CYB5R4: variants seen among roughly 807,000 people sequenced by gnomAD.
The protein encoded by CYB5R4 is N-terminal cytochrome b5 and cytochrome b5 oxidoreductase domain-containing protein.
A neutral mutation model predicts 70.2 loss-of-function variants in CYB5R4; 55 were observed. The ratio of observed to expected loss-of-function variants is 0.78; its 90% CI spans 0.63 to 0.98. The LOEUF (loss-of-function observed/expected upper bound fraction) is 0.98, where lower values mean the gene tolerates loss of function less well. Ranked by LOEUF, CYB5R4 falls within the 50% of genes least tolerant of loss-of-function variation. The pLI is 0.00. For missense variants in CYB5R4, 562 were observed against 612.6 expected (o/e 0.92, Z 0.87); for synonymous variants, 197 against 199.5 (o/e 0.99, Z 0.11).
chr6:83,894,903 A>G (rs1351114700), intron 3 of CYB5R4, among the ~76,000 whole-genome samples: 1 of 152,098 alleles, frequency 6.6e-6, no homozygotes, highest in Non-Finnish European at 1.5e-5. Flanking sequence ...GAAGTGTCAA[A>G]GGTAGAAGTA....
At chr6:83,905,238 G>C (rs367857023) in intron 3 of CYB5R4, among the ~76,000 whole-genome samples, 57 of 152,254 alleles carry the variant, frequency 3.7e-4, no homozygotes, top group African/African-American at 1.3e-3. Flanking sequence ...TGTATTTTTA[G>C]TAGAGATGGG....
At chr6:83,958,321 G>A (rs1159386797) in intron 15 of CYB5R4, among the ~76,000 whole-genome samples, 4 of 152,128 alleles carry the variant, frequency 2.6e-5, no homozygotes, top group Non-Finnish European at 4.4e-5. Context: ...ACCAAAGTAT[G>A]ACTCAGAACA....
chr6:83,884,863 A>C (rs1299878584), intron 2 of CYB5R4, among the ~76,000 whole-genome samples: 1 of 152,202 alleles, frequency 6.6e-6, no homozygotes, highest in Non-Finnish European at 1.5e-5. Context: ...GAATGAATAT[A>C]ATGTGGGGCT....
At chr6:83,915,062 C>T (rs1007052697) in intron 5 of CYB5R4, among the ~76,000 whole-genome samples, 1 of 152,056 alleles carries the variant, frequency 6.6e-6, no homozygotes, top group Non-Finnish European at 1.5e-5. Flanking sequence ...TAGATGTGAG[C>T]TCACCTCCAT....
chr6:83,882,219 G>A (rs1329284925), intron 2 of CYB5R4, among the ~76,000 whole-genome samples: 1 of 152,138 alleles, frequency 6.6e-6, no homozygotes, highest in Non-Finnish European at 1.5e-5. Flanking sequence ...GTGTGTGTTC[G>A]TGCTGTGAAG....
chr6:83,959,216 G>C (rs2099472914), intron 15 of CYB5R4, among the ~76,000 whole-genome samples: 1 of 152,108 alleles, frequency 6.6e-6, no homozygotes, highest in Admixed American at 6.5e-5. Context: ...TCTATACATA[G>C]ATCATAATGG....
At chr6:83,883,074 T>C (rs79403529) in intron 2 of CYB5R4, among the ~76,000 whole-genome samples, 2 of 151,894 alleles carry the variant, frequency 1.3e-5, no homozygotes, top group Admixed American at 6.6e-5. Context: ...AATTGAAAAA[T>C]ACATGAAATA....
chr6:83,957,941 T>G (rs2099472680), intron 15 of CYB5R4, among the ~76,000 whole-genome samples: 1 of 152,196 alleles, frequency 6.6e-6, no homozygotes, highest in South Asian at 2.1e-4. Flanking sequence ...TTTTCTTGAT[T>G]AGCAATTATA....
At chr6:83,866,777 A>G (rs1228477869) in intron 2 of CYB5R4, among the ~76,000 whole-genome samples, 4 of 151,972 alleles carry the variant, frequency 2.6e-5, no homozygotes, top group African/African-American at 9.7e-5. Flanking sequence ...CACCATGCCC[A>G]GCTATTTATT....
intron 14 of CYB5R4, among the ~76,000 whole-genome samples, chr6:83,947,302 AG>A (rs2099470773): frequency 6.6e-6 from 1 of 152,098 alleles, no homozygotes; most frequent in South Asian, 2.1e-4. Flanking sequence ...AACAAGCAAT[AG>A]GGAAAGGATT....
At chr6:83,942,342 G>A (rs948457117) in intron 14 of CYB5R4, among the ~76,000 whole-genome samples, 2 of 152,182 alleles carry the variant, frequency 1.3e-5, no homozygotes, top group Admixed American at 6.5e-5. Context: ...AGCATGGTGG[G>A]GTGTTGTCTC....
At chr6:83,873,058 G>A (rs971343436) in intron 2 of CYB5R4, among the ~76,000 whole-genome samples, 6 of 152,020 alleles carry the variant, frequency 3.9e-5, no homozygotes, top group Admixed American at 1.3e-4. Context: ...AGACTGTGCT[G>A]CCTCCTGTTT....
At chr6:83,871,079 C>T (rs1178915636) in intron 2 of CYB5R4, among the ~76,000 whole-genome samples, 4 of 148,656 alleles carry the variant, frequency 2.7e-5, no homozygotes, top group South Asian at 4.2e-4. Context: ...CGGGTTCAAG[C>T]GAGTCTCCTG....
chr6:83,863,110 A>T (rs571686313), intron 1 of CYB5R4, among the ~76,000 whole-genome samples: 2 of 152,360 alleles, frequency 1.3e-5, no homozygotes, highest in South Asian at 4.2e-4. Flanking sequence ...CAAAGTACTA[A>T]TAATACTTCT....
chr6:83,879,382 G>T (rs1342320770), intron 2 of CYB5R4, among the ~76,000 whole-genome samples: 1 of 152,114 alleles, frequency 6.6e-6, no homozygotes, highest in Admixed American at 6.6e-5. Flanking sequence ...CCAGTATTTA[G>T]CTAGCATTTG....
Position 83,966,116 on chromosome 6 carries a change from G to C in CYB5R4, c.*6238G>C, listed in dbSNP as rs1364892574. 1 of 152,098 alleles carries C rather than the reference G, an allele frequency of 6.6e-6. No homozygotes were observed. The highest frequency in any genetic ancestry group is 6.6e-5 in the Admixed American group (1 of 15,264). The allele number at this position is 152,098 out of a possible 1,614,324, so 9.4% of individuals were successfully genotyped here. A position where few individuals can be genotyped will look rare whatever the true frequency, so the allele number is the denominator to read the frequency against. ...ATAAAGTAATTAAGTGGCTGTTCAGGGGATACAGGAATAGGGGATAATAAC... is the reference window on the plus strand; with the variant it reads ...ATAAAGTAATTAAGTGGCTGTTCAGCGGATACAGGAATAGGGGATAATAAC... On this transcript the variant is annotated 3_prime_UTR_variant, in exon 16 of 16. Transcript: ENST00000369681.
intron 2 of CYB5R4, among the ~76,000 whole-genome samples, chr6:83,891,518 C>T (rs1267422941): frequency 6.6e-6 from 1 of 152,164 alleles, no homozygotes; most frequent in African/African-American, 2.4e-5. Context: ...GCCTCTGAAT[C>T]AGAAGAAATG....
At chr6:83,909,268 T>G (rs2099464301) in intron 4 of CYB5R4, among the ~76,000 whole-genome samples, 178 bp downstream of exon 4, 2 of 152,228 alleles carry the variant, frequency 1.3e-5, no homozygotes, top group Non-Finnish European at 2.9e-5. Context: ...ATATTGTGAC[T>G]TTCCCTTAAA....
intron 3 of CYB5R4, 67 bp from the exon 4 acceptor site, chr6:83,908,942 G>A (rs564610059): frequency 4.3e-5 from 57 of 1,336,862 alleles, no homozygotes; most frequent in South Asian, 7.1e-5. Flanking sequence ...AGTTTTGCTC[G>A]TACTAAAATG....
Sources: gnomAD v4.1 joint callset for allele counts (sites outside exome capture counted in the v4.1 genomes callset) on GRCh38, gnomAD v4.1.1 for gene constraint, MANE v1.5 for transcripts, NCBI Gene and HGNC (gene_info 2026-07-23, HGNC 2026-07-21) for gene names.